LAPTM4B: variants seen among roughly 807,000 people sequenced by gnomAD.
The protein encoded by LAPTM4B is lysosomal-associated transmembrane protein 4B.
LAPTM4B carries 26 observed loss-of-function variants against 28.5 expected under a neutral mutation model. The observed-to-expected ratio is 0.91, with a 90% confidence interval of 0.67 to 1.27. The LOEUF (loss-of-function observed/expected upper bound fraction) is 1.27. Ranked by LOEUF, LAPTM4B falls within the 50% of genes most tolerant of loss-of-function variation. The pLI is 0.00. For synonymous variants in LAPTM4B, 109 were observed against 106.4 expected, an observed-to-expected ratio of 1.02 and a Z score of -0.15; for missense variants, 288 against 285.8, an observed-to-expected ratio of 1.01 and a Z score of -0.06.
At chr8:97,850,614 C>T (rs1475108363) in intron 6 of LAPTM4B, among the ~76,000 whole-genome samples, 2 of 150,494 alleles carry the variant, frequency 1.3e-5, no homozygotes, top group African/African-American at 2.5e-5. Flanking sequence ...AGTGATATCC[C>T]TGATAGAAAA....
chr8:97,821,532 G>A lies in LAPTM4B; in HGVS notation c.507+2294G>A, dbSNP rs1277197448. Among the ~76,000 whole-genome samples the A allele has an allele frequency of 1.0e-4, 15 of 149,552 alleles. No individual in the cohort carries two copies. The South Asian group carries it at 2.9e-3, about 29-fold the overall frequency. On this transcript the variant is annotated intron_variant, in intron 5 of 6. Transcript: ENST00000521545. ...ATCAAACAAAGAAGCAGGTAGTGAG[G>A]ACGTGTGGATGTAGGGGTGGACAGG...
At chr8:97,820,603 C>G (rs1412670074) in intron 5 of LAPTM4B, among the ~76,000 whole-genome samples, 2 of 152,118 alleles carry the variant, frequency 1.3e-5, no homozygotes, top group African/African-American at 2.4e-5. Context: ...TGAAATGGCT[C>G]ACACCTGTGA....
At chr8:97,776,501 G>T (rs1412480932) in intron 1 of LAPTM4B, among the ~76,000 whole-genome samples, 2 of 152,246 alleles carry the variant, frequency 1.3e-5, no homozygotes, top group African/African-American at 2.4e-5. Flanking sequence ...GTGTTTCGAC[G>T]GCTGCGGACG....
Position 97,815,308 on chromosome 8 carries a change from T to G in LAPTM4B, c.212-20T>G. On this transcript the variant is annotated intron_variant, in intron 2 of 6. Coordinates refer to ENST00000521545, the MANE Select transcript of LAPTM4B (RefSeq NM_018407.6). ...TACTGATTGTCTTTTTTAAAGAAATTCTTTTTAATCTTTCGGCAGACATGT... is the reference window on the plus strand; with the variant it reads ...TACTGATTGTCTTTTTTAAAGAAATGCTTTTTAATCTTTCGGCAGACATGT... 1.9e-6 allele frequency: 3 copies of G among 1,608,404 alleles called. No individual in the cohort carries two copies. The highest frequency in any genetic ancestry group is 2.6e-6 in the Non-Finnish European group (3 of 1,174,864).
intron 2 of LAPTM4B, among the ~76,000 whole-genome samples, chr8:97,814,895 G>A (rs1163974874): frequency 6.6e-6 from 1 of 152,060 alleles, no homozygotes; most frequent in Non-Finnish European, 1.5e-5. Flanking sequence ...GGGTTTCACT[G>A]TGTTAACCAG....
intron 1 of LAPTM4B, among the ~76,000 whole-genome samples, chr8:97,782,942 ATTTATTTT>A (rs1816345022): frequency 6.9e-6 from 1 of 145,972 alleles, no homozygotes; most frequent in East Asian, 2.0e-4. Context: ...TTATTTATTT[ATTTATTTT>A]TTAGTAGAGA....
At chr8:97,849,171 C>T (rs1416495057) in intron 6 of LAPTM4B, among the ~76,000 whole-genome samples, 1 of 152,192 alleles carries the variant, frequency 6.6e-6, no homozygotes, top group Non-Finnish European at 1.5e-5. Flanking sequence ...GAATGTCATC[C>T]TCTTTACTGC....
At position 97,820,514 on chromosome 8, in the gene LAPTM4B, T is replaced by C. The variant is rs552740998; in HGVS notation, c.507+1276T>C. On this transcript the variant is annotated intron_variant, in intron 5 of 6. Coordinates refer to ENST00000521545, the MANE Select transcript of LAPTM4B (RefSeq NM_018407.6). ...CCTCAGTAAACTTGGGAAAGCTGCATTGAGGCAGAAAATTCATATAGGTAC... is the reference window on the plus strand; with the variant it reads ...CCTCAGTAAACTTGGGAAAGCTGCACTGAGGCAGAAAATTCATATAGGTAC... 6.8e-4 allele frequency among the ~76,000 whole-genome samples: 103 copies of C among 152,220 alleles called. 1 individual carries two copies. The South Asian group carries it at 0.021, about 31-fold the overall frequency.
chr8:97,845,906 T>C (rs113298654), intron 6 of LAPTM4B, among the ~76,000 whole-genome samples: 5,247 of 31,034 alleles, frequency 0.17, 1,149 homozygotes, highest in Non-Finnish European at 0.27. Flanking sequence ...CCCCTCCCCT[T>C]CCCTTCGACA....
At chr8:97,805,324 C>CCTTTT in intron 1 of LAPTM4B, 29 bp from the exon 2 acceptor site, 1 of 840,928 alleles carries the variant, frequency 1.2e-6, no homozygotes, top group Non-Finnish European at 1.8e-6. Flanking sequence ...TACTTAAATT[C>CCTTTT]TTTTTTTTTT....
chr8:97,839,642 G>A (rs1817315912), intron 6 of LAPTM4B, among the ~76,000 whole-genome samples: 1 of 152,218 alleles, frequency 6.6e-6, no homozygotes, highest in Admixed American at 6.5e-5. Context: ...GGATCTCAGA[G>A]TGTGTTTGAG....
intron 1 of LAPTM4B, among the ~76,000 whole-genome samples, chr8:97,802,250 G>T (rs1278174065): frequency 6.6e-6 from 1 of 152,100 alleles, no homozygotes; most frequent in African/African-American, 2.4e-5. Flanking sequence ...TGGACTGCTC[G>T]ACTGATAATA....
chr8:97,803,575 A>G (rs900924215), intron 1 of LAPTM4B, among the ~76,000 whole-genome samples: 1 of 152,190 alleles, frequency 6.6e-6, no homozygotes, highest in Non-Finnish European at 1.5e-5. Flanking sequence ...TGCCGGGCCA[A>G]AAATAAACTC....
intron 5 of LAPTM4B, among the ~76,000 whole-genome samples, chr8:97,821,425 C>T (rs1030948206): frequency 1.3e-5 from 2 of 152,036 alleles, no homozygotes; most frequent in African/African-American, 4.8e-5. Flanking sequence ...GACAAGAGTA[C>T]ATAGAGTGGG....
At chr8:97,815,216 C>T in intron 2 of LAPTM4B, 112 bp from the exon 3 acceptor site, 1 of 744,024 alleles carries the variant, frequency 1.3e-6, no homozygotes. Flanking sequence ...AAAGTATTTA[C>T]TAACTTTATG....
Position 97,851,624 on chromosome 8 carries a change from G to A in LAPTM4B, c.*150G>A. On this transcript the variant is annotated 3_prime_UTR_variant, in exon 7 of 7. Transcript: ENST00000521545. ...AAATTTAGATGTTAGATTGAAAACTGTAGTTTTCAACATATGCTTTGCTGG... is the reference window on the plus strand; with the variant it reads ...AAATTTAGATGTTAGATTGAAAACTATAGTTTTCAACATATGCTTTGCTGG... 1.5e-6 allele frequency: 1 copy of A among 648,994 alleles called. No individual in the cohort carries two copies. The highest frequency in any genetic ancestry group is 2.7e-6 in the Non-Finnish European group (1 of 365,328). The allele number at this position is 648,994 out of a possible 1,614,324, so 40.2% of individuals were successfully genotyped here.
intron 6 of LAPTM4B, among the ~76,000 whole-genome samples, chr8:97,845,469 A>C (rs1464393106): frequency 6.6e-6 from 1 of 152,104 alleles, no homozygotes; most frequent in Admixed American, 6.6e-5. Context: ...AAGACACTTC[A>C]TCAGTTCTCT....
At chr8:97,786,475 G>A (rs1043738629) in intron 1 of LAPTM4B, among the ~76,000 whole-genome samples, 9 of 151,020 alleles carry the variant, frequency 6.0e-5, no homozygotes, top group Admixed American at 1.3e-4. Context: ...AGGCCGAGGC[G>A]GGCAAATCAT....
intron 1 of LAPTM4B, among the ~76,000 whole-genome samples, chr8:97,784,256 A>G (rs1012041061): frequency 1.3e-5 from 2 of 152,204 alleles, no homozygotes; most frequent in African/African-American, 4.8e-5. Context: ...AGGATAGAAT[A>G]ACGGACTGAT....
Sources: gnomAD v4.1 joint callset for allele counts (sites outside exome capture counted in the v4.1 genomes callset) on GRCh38, gnomAD v4.1.1 for gene constraint, MANE v1.5 for transcripts, NCBI Gene and HGNC (gene_info 2026-07-23, HGNC 2026-07-21) for gene names.